Variants in SKA1 observed in about 807,000 individuals in gnomAD.
SKA1 encodes SKA complex subunit 1.
A neutral mutation model predicts 31.8 loss-of-function variants in SKA1; 20 were observed. That is an observed-to-expected ratio of 0.63 (90% CI 0.44 to 0.91). SKA1 has a LOEUF of 0.91. Among genes scored for constraint, SKA1 ranks in the 40% least tolerant of loss-of-function variants. The pLI is 0.00. For missense variants in SKA1, 253 were observed against 298.2 expected (o/e 0.85, Z 1.12); for synonymous variants, 88 against 100.5 (o/e 0.88, Z 0.74).
Position 50,392,439 on chromosome 18 carries a change from G to T in SKA1, c.*192G>T, listed in dbSNP as rs968835502. 6.0e-6 allele frequency: 2 copies of T among 333,912 alleles called. No homozygotes were observed. Among genetic ancestry groups the T allele is most frequent in the Admixed American group, 9.6e-5 (2 of 20,732 alleles). 20.7% of individuals were successfully genotyped at this position (333,912 alleles called of 1,614,324 possible). A position where few individuals can be genotyped will look rare whatever the true frequency, so the allele number is the denominator to read the frequency against. ...GCTAGAGTGCAGTGGCGCAAACATG[G>T]CTCACTGCAGCCTCAACCTCCCAGG... On this transcript the variant is annotated 3_prime_UTR_variant, in exon 7 of 7. Transcript: ENST00000285116.
chr18:50,377,737 T>C (rs1393868610), intron 2 of SKA1, among the ~76,000 whole-genome samples: 2 of 152,206 alleles, frequency 1.3e-5, no homozygotes, highest in African/African-American at 4.8e-5. Context: ...TATTATGAAT[T>C]GGTAGTTTGA....
chr18:50,377,594 CAGA>C (rs2041229720), intron 2 of SKA1, among the ~76,000 whole-genome samples: 3 of 152,262 alleles, frequency 2.0e-5, no homozygotes, highest in Non-Finnish European at 4.4e-5. Flanking sequence ...TTCAGAGAAA[CAGA>C]TGATCCTTGT....
Position 50,392,215 on chromosome 18 carries a change from G to C in SKA1, c.736G>C (p.Gly246Arg). The C allele has an allele frequency of 2.5e-5, 40 of 1,598,280 alleles. No individual in the cohort carries two copies. The highest frequency in any genetic ancestry group is 3.3e-5 in the Non-Finnish European group (39 of 1,175,918). The change falls in exon 7 of 7, where the codon GGG becomes CGG. Residue 246 changes from glycine to arginine, a missense_variant. Coordinates refer to ENST00000285116, the MANE Select transcript of SKA1 (RefSeq NM_145060.4). ...CTGCCGGAGGCTATCAGAGGTCCGA[G>C]GGGGAGGACTTACTCGTTATGTTAT... ...RHCRRLSEVR[G>R]GGLTRYVIT
intron 4 of SKA1, among the ~76,000 whole-genome samples, chr18:50,383,527 G>T (rs564691571): frequency 6.6e-6 from 1 of 152,280 alleles, no homozygotes; most frequent in South Asian, 2.1e-4. Flanking sequence ...CCATCTTGAA[G>T]ACCTGGCTCT....
At chr18:50,378,972 T>TA (rs1221622249) in intron 2 of SKA1, among the ~76,000 whole-genome samples, 1 of 152,224 alleles carries the variant, frequency 6.6e-6, no homozygotes, top group Admixed American at 6.5e-5. Context: ...ATCTTATATG[T>TA]ACTTTCACCT....
chr18:50,387,421 GTTGT>G (rs1303423449), intron 5 of SKA1, among the ~76,000 whole-genome samples: 1 of 152,136 alleles, frequency 6.6e-6, no homozygotes, highest in Non-Finnish European at 1.5e-5. Context: ...TTTAAAGTGG[GTTGT>G]TTGTTTTCTT....
At chr18:50,381,508 T>G (rs564667192) in intron 3 of SKA1, among the ~76,000 whole-genome samples, 9 of 152,282 alleles carry the variant, frequency 5.9e-5, no homozygotes, top group African/African-American at 1.9e-4. Flanking sequence ...CTTTATATAT[T>G]TCTTAGTTAT....
intron 2 of SKA1, among the ~76,000 whole-genome samples, chr18:50,379,344 T>G (rs921586930): frequency 3.3e-5 from 5 of 152,164 alleles, no homozygotes; most frequent in African/African-American, 1.2e-4. Context: ...TATCACCAGC[T>G]TGTGACTTTT....
chr18:50,384,870 T>TAAAAAAAAAAAAAAAAAAAAAAA (rs1568329774), intron 4 of SKA1, among the ~76,000 whole-genome samples: 1 of 61,304 alleles, frequency 1.6e-5, no homozygotes, highest in African/African-American at 7.6e-5. Context: ...AAAAAAAAAA[T>TAAAAAAAAAAAAAAAAAAAAAAA]TAAAAAAAAA....
chr18:50,392,409 C>T lies in SKA1; in HGVS notation c.*162C>T, dbSNP rs1035395405. On this transcript the variant is annotated 3_prime_UTR_variant, in exon 7 of 7. Transcript: ENST00000285116. ...TGTCACCCAGGGGCTTGCTTTGTCA[C>T]GCAGGCTAGAGTGCAGTGGCGCAAA... The T allele has an allele frequency of 2.3e-5, 10 of 430,902 alleles. No homozygotes were observed. The highest frequency in any genetic ancestry group is 1.8e-4 in the Admixed American group (4 of 21,710). 26.7% of individuals were successfully genotyped at this position (430,902 alleles called of 1,614,324 possible). A position where few individuals can be genotyped will look rare whatever the true frequency, so the allele number is the denominator to read the frequency against.
At chr18:50,377,822 TA>T (rs2041232208) in intron 2 of SKA1, among the ~76,000 whole-genome samples, 1 of 152,224 alleles carries the variant, frequency 6.6e-6, no homozygotes, top group Admixed American at 6.5e-5. Flanking sequence ...GGGACGTTGA[TA>T]TTCTCAGTCC....
intron 4 of SKA1, among the ~76,000 whole-genome samples, chr18:50,383,161 A>G (rs1430501084): frequency 6.6e-6 from 1 of 152,092 alleles, no homozygotes; most frequent in Non-Finnish European, 1.5e-5. Context: ...CCGAGGCCCT[A>G]ACACCTGGCT....
chr18:50,387,668 A>C (rs965879204), intron 5 of SKA1, among the ~76,000 whole-genome samples: 3 of 152,218 alleles, frequency 2.0e-5, no homozygotes, highest in Non-Finnish European at 4.4e-5. Context: ...GGAGCCCATC[A>C]AAGGCATTCT....
intron 2 of SKA1, 62 bp downstream of exon 2, chr18:50,375,980 G>T: frequency 2.0e-6 from 2 of 1,019,638 alleles, no homozygotes; most frequent in Non-Finnish European, 2.9e-6. Context: ...ATTCCACTCT[G>T]AATGATATCT....
rs149964852 is a variant in SKA1 at position 50,390,461 on chromosome 18, C to T, written c.450-663C>T. ...TAAGACTCCATGGTGACTGGGAGGA[C>T]GGACAAGAGGGAGGTTGAAGAGTAG... On this transcript the variant is annotated intron_variant, in intron 5 of 6. Transcript: ENST00000285116. Among the ~76,000 whole-genome samples, 12 of 152,210 alleles carry T rather than the reference C, an allele frequency of 7.9e-5. No individual in the cohort carries two copies. In the East Asian group the frequency reaches 1.5e-3, roughly 20 times the overall value.
intron 5 of SKA1, among the ~76,000 whole-genome samples, chr18:50,389,375 C>CTTTTTTTTTTTTTTTTTTTTTTTTTTTT (rs756288352): frequency 2.3e-5 from 2 of 86,138 alleles, no homozygotes; most frequent in African/African-American, 1.0e-4. Flanking sequence ...CTTTACCTTT[C>CTTTTTTTTTTTTTTTTTTTTTTTTTTTT]TTTTTTTTTT....
intron 5 of SKA1, among the ~76,000 whole-genome samples, chr18:50,390,046 A>G (rs544985331): frequency 6.6e-6 from 1 of 152,290 alleles, no homozygotes; most frequent in African/African-American, 2.4e-5. Flanking sequence ...AAAACATTGA[A>G]GGAGATTAGG....
chr18:50,385,767 G>T lies in SKA1; in HGVS notation c.449+414G>T, dbSNP rs16951845. Among the ~76,000 whole-genome samples, 1,110 of 152,280 alleles carry T rather than the reference G, an allele frequency of 7.3e-3. 10 individuals are homozygous for T. Among genetic ancestry groups the T allele is most frequent in the African/African-American group, 0.025 (1,053 of 41,532 alleles). ...GCCTGTGCTATATTCCAGGCCCTGG[G>T]TCACTCAGAATAGAGGAATGAATAA... On this transcript the variant is annotated intron_variant, in intron 5 of 6. Transcript: ENST00000285116.
At chr18:50,383,034 AAAAT>A (rs146272081) in intron 4 of SKA1, among the ~76,000 whole-genome samples, 37,485 of 151,840 alleles carry the variant, frequency 0.25, 5,466 homozygotes, top group Non-Finnish European at 0.35. Context: ...ACCCTGCCTC[AAAAT>A]AAATAAATAA....
Sources: allele counts gnomAD v4.1 joint callset (sites outside exome capture counted in the v4.1 genomes callset), GRCh38; gene constraint gnomAD v4.1.1; transcripts MANE v1.5; gene names NCBI Gene and HGNC (gene_info 2026-07-23, HGNC 2026-07-21).